The following SEMA6D variants were observed in gnomAD, a reference collection of about 807,000 sequenced individuals.
SEMA6D encodes the protein semaphorin 6D, also known as semaphorin-6D.
SEMA6D carries 35 observed loss-of-function variants against 106.6 expected under a neutral mutation model. That is an observed-to-expected ratio of 0.33 (90% CI 0.25 to 0.44). The LOEUF is 0.44. Ranked by LOEUF, SEMA6D falls within the 20% of genes least tolerant of loss-of-function variation. The pLI is 1.00. For missense variants in SEMA6D, 1,185 were observed against 1,345.9 expected (o/e 0.88, Z 1.87); for synonymous variants, 499 against 487.7 (o/e 1.02, Z -0.31).
At chr15:47,417,263 TAGAG>T (rs1356819493) in intron 2 of SEMA6D, among the ~76,000 whole-genome samples, 1 of 151,986 alleles carries the variant, frequency 6.6e-6, no homozygotes, top group African/African-American at 2.4e-5. Context: ...GTTTTAGAGA[TAGAG>T]GGAAAGGGGA....
rs560042190 is a variant in SEMA6D, at chr15:47,584,358, G to A, written c.-86-16507G>A. On this transcript the variant is annotated intron_variant, in intron 3 of 19. Transcript: ENST00000558014. ...TAATCGCCTGAACCCAGGAGGCAGA[G>A]GTTGCAGTGAGCCGAGATTGTGCCA... Among the ~76,000 whole-genome samples the A allele has an allele frequency of 1.1e-4, 16 of 152,142 alleles. No individual in the cohort carries two copies. In the East Asian group the frequency reaches 2.7e-3, roughly 26 times the overall value.
chr15:47,467,692 G>T (rs780789563), intron 2 of SEMA6D, among the ~76,000 whole-genome samples: 1 of 152,118 alleles, frequency 6.6e-6, no homozygotes, highest in Non-Finnish European at 1.5e-5. Flanking sequence ...TTTTGCTAGG[G>T]ATTAACTCAT....
chr15:47,328,525 A>T (rs373750900), intron 1 of SEMA6D, among the ~76,000 whole-genome samples: 1 of 152,218 alleles, frequency 6.6e-6, no homozygotes, highest in East Asian at 1.9e-4. Context: ...ACTGCTGTAG[A>T]TGAAGGGGCA....
intron 2 of SEMA6D, among the ~76,000 whole-genome samples, chr15:47,420,873 T>C (rs1014867823): frequency 4.6e-5 from 7 of 152,092 alleles, no homozygotes; most frequent in African/African-American, 1.7e-4. Flanking sequence ...TTCAGTTCTC[T>C]AGAACAAAAA....
chr15:47,673,723 G>A (rs908306462), intron 4 of SEMA6D, among the ~76,000 whole-genome samples: 19 of 152,188 alleles, frequency 1.2e-4, no homozygotes, highest in Non-Finnish European at 1.5e-4. Context: ...ATTAGCCTCA[G>A]AATAACTGGA....
chr15:47,704,598 C>T (rs1433155810), intron 4 of SEMA6D, among the ~76,000 whole-genome samples: 3 of 152,008 alleles, frequency 2.0e-5, no homozygotes, highest in Non-Finnish European at 2.9e-5. Flanking sequence ...GTAGTCCCAG[C>T]TACCCAGGAG....
upstream of SEMA6D, chr15:47,717,403 A>T (rs1311904499): frequency 1.3e-5 from 2 of 151,958 alleles, no homozygotes; most frequent in African/African-American, 4.8e-5. Context: ...GGAGCTGCCG[A>T]GTGCGTGGAG....
intron 2 of SEMA6D, among the ~76,000 whole-genome samples, chr15:47,436,767 AAAT>A (rs200145977): frequency 0.091 from 8,443 of 93,162 alleles, 463 homozygotes; most frequent in African/African-American, 0.21. Flanking sequence ...TTAAAAAAAA[AAAT>A]ATATATATAT....
At chr15:47,603,252 C>A (rs541361811) in intron 4 of SEMA6D, 1 of 152,166 alleles carries the variant, frequency 6.6e-6, no homozygotes, top group African/African-American at 2.4e-5. Context: ...CTCAGAAGCC[C>A]ACACCCTGGC....
At chr15:47,299,640 A>C (rs529641834) in intron 1 of SEMA6D, among the ~76,000 whole-genome samples, 1 of 152,364 alleles carries the variant, frequency 6.6e-6, no homozygotes, top group South Asian at 2.1e-4. Flanking sequence ...TGAGGCTGAC[A>C]TAAATCAGAA....
At chr15:47,489,234 A>G (rs1596132964) in intron 3 of SEMA6D, among the ~76,000 whole-genome samples, 1 of 152,266 alleles carries the variant, frequency 6.6e-6, no homozygotes, top group Middle Eastern at 3.4e-3. Flanking sequence ...TGGAAGGGAC[A>G]AGGACAAATC....
chr15:47,622,777 G>C (rs2077130949), intron 4 of SEMA6D, among the ~76,000 whole-genome samples: 1 of 152,134 alleles, frequency 6.6e-6, no homozygotes, highest in African/African-American at 2.4e-5. Flanking sequence ...GAAGGCTTGG[G>C]AGCTCAGCTT....
intron 2 of SEMA6D, among the ~76,000 whole-genome samples, chr15:47,452,345 A>G (rs773025118): frequency 1.8e-4 from 27 of 151,888 alleles, no homozygotes; most frequent in African/African-American, 6.0e-4. Flanking sequence ...ACTGGACTCA[A>G]AGTCACACGA....
intron 2 of SEMA6D, among the ~76,000 whole-genome samples, chr15:47,468,231 A>G (rs1427845308): frequency 5.9e-5 from 9 of 152,002 alleles, no homozygotes; most frequent in African/African-American, 1.9e-4. Context: ...ATCATTGAAA[A>G]TGCAGTTACA....
At chr15:47,467,385 G>A (rs2042696272) in intron 2 of SEMA6D, among the ~76,000 whole-genome samples, 1 of 152,160 alleles carries the variant, frequency 6.6e-6, no homozygotes, top group African/African-American at 2.4e-5. Context: ...TAATTATGAT[G>A]TAAACATGTC....
chr15:47,305,432 T>A (rs1265709232), intron 1 of SEMA6D, among the ~76,000 whole-genome samples: 8 of 152,178 alleles, frequency 5.3e-5, no homozygotes, highest in Non-Finnish European at 1.0e-4. Flanking sequence ...AAAGCCATGA[T>A]CCCTTATGGC....
chr15:47,233,197 A>G (rs1383797425), intron 1 of SEMA6D, among the ~76,000 whole-genome samples: 1 of 151,986 alleles, frequency 6.6e-6, no homozygotes, highest in East Asian at 1.9e-4. Context: ...TGTTGAAAAG[A>G]CTATTCTTTC....
At chr15:47,681,830 G>A (rs1010532967) in intron 4 of SEMA6D, among the ~76,000 whole-genome samples, 1 of 152,134 alleles carries the variant, frequency 6.6e-6, no homozygotes, top group African/African-American at 2.4e-5. Flanking sequence ...ATCGTAAATT[G>A]TATAACTGCT....
intron 1 of SEMA6D, among the ~76,000 whole-genome samples, chr15:47,386,879 T>G (rs1480334243): frequency 6.6e-6 from 1 of 152,230 alleles, no homozygotes; most frequent in Admixed American, 6.5e-5. Flanking sequence ...CCAAGAACAT[T>G]TATCTGTGTT....
Sources: gnomAD v4.1 joint callset for allele counts (sites outside exome capture counted in the v4.1 genomes callset) on GRCh38, gnomAD v4.1.1 for gene constraint, MANE v1.5 for transcripts, NCBI Gene and HGNC (gene_info 2026-07-23, HGNC 2026-07-21) for gene names.